UNC79: variants seen among roughly 807,000 people sequenced by gnomAD.
UNC79 encodes the protein protein unc-79 homolog.
In UNC79, 37 loss-of-function variants were observed where a neutral mutation model predicts 283.1. That is an observed-to-expected ratio of 0.13 (90% CI 0.10 to 0.17). The LOEUF (loss-of-function observed/expected upper bound fraction) is 0.17, where lower values mean the gene tolerates loss of function less well. UNC79 is among the 10% of genes least tolerant of loss of function. UNC79 has a pLI of 1.00. For synonymous variants in UNC79, 1,107 were observed against 1,200.2 expected (o/e 0.92, Z 1.61); for missense variants, 2,272 against 3,211.1 (o/e 0.71, Z 7.07).
In UNC79 at chr14:93,483,320, A is replaced by C. The variant is rs557753624; in HGVS notation, c.620-4343A>C. Among the ~76,000 whole-genome samples, 11 of 152,294 alleles carry C rather than the reference A, an allele frequency of 7.2e-5. No individual in the cohort carries two copies. The South Asian group carries it at 1.0e-3, about 14-fold the overall frequency. On this transcript the variant is annotated intron_variant, in intron 4 of 48. Coordinates refer to ENST00000555664, the Ensembl canonical transcript of UNC79. ...GGAATGTTCCATAAAAACATTAAAA[A>C]TTTTGTGCTGTCCAGTAGAGTAGCC... is the stretch of plus-strand genomic sequence containing the variant.
intron 1 of UNC79, among the ~76,000 whole-genome samples, chr14:93,453,105 C>T (rs960449462): frequency 9.2e-5 from 14 of 152,172 alleles, no homozygotes; most frequent in Non-Finnish European, 1.8e-4. Flanking sequence ...GAAAGTGGAT[C>T]CCAAATAATT....
At chr14:93,398,785 A>G (rs985200562) in intron 1 of UNC79, among the ~76,000 whole-genome samples, 1 of 152,166 alleles carries the variant, frequency 6.6e-6, no homozygotes. Flanking sequence ...GTAGGAGGAA[A>G]AACTGCTCTT....
intron 39 of UNC79, among the ~76,000 whole-genome samples, chr14:93,660,364 A>G (rs1056386886): frequency 6.6e-6 from 1 of 151,686 alleles, no homozygotes; most frequent in African/African-American, 2.4e-5. Flanking sequence ...TTTTGGGTCC[A>G]TATCGCCCCA....
intron 31 of UNC79, among the ~76,000 whole-genome samples, chr14:93,635,949 C>A (rs79686964): frequency 0.011 from 1,732 of 152,318 alleles, 38 homozygotes; most frequent in African/African-American, 0.039. Flanking sequence ...CTGAGAATGG[C>A]AGCTTTTGTT....
chr14:93,431,731 A>C (rs1435656144), intron 1 of UNC79, among the ~76,000 whole-genome samples: 1 of 152,234 alleles, frequency 6.6e-6, no homozygotes, highest in African/African-American at 2.4e-5. Context: ...GGCAGCCCAT[A>C]GCACCGGAGG....
intron 30 of UNC79, among the ~76,000 whole-genome samples, chr14:93,625,827 T>G (rs2067530711): frequency 6.6e-6 from 1 of 152,226 alleles, no homozygotes; most frequent in South Asian, 2.1e-4. Context: ...CCTCTACCAG[T>G]ACCTGCACCT....
chr14:93,537,844 G>A, intron 11 of UNC79, 145 bp from the exon 12 acceptor site: 1 of 710,744 alleles, frequency 1.4e-6, no homozygotes, highest in Admixed American at 3.1e-5. Context: ...TCTAGGTAGT[G>A]GGAGAATAAC....
chr14:93,447,017 A>C (rs1010210175), intron 1 of UNC79, among the ~76,000 whole-genome samples: 42 of 152,056 alleles, frequency 2.8e-4, no homozygotes, highest in Admixed American at 2.8e-3. Context: ...TTTCCCTTTA[A>C]ATCTGTCATT....
At chr14:93,447,524 AAG>A (rs1167043015) in intron 1 of UNC79, among the ~76,000 whole-genome samples, 7 of 152,116 alleles carry the variant, frequency 4.6e-5, no homozygotes, top group South Asian at 4.1e-4. Context: ...TAACAGAAAA[AAG>A]AAAGTATAGT....
chr14:93,430,876 G>T lies in UNC79; in HGVS notation c.-154G>T. 1.9e-6 allele frequency: 1 copy of T among 525,086 alleles called. No individual in the cohort carries two copies. The highest frequency in any genetic ancestry group is 3.0e-5 in the Admixed American group (1 of 33,266). 32.5% of individuals were successfully genotyped at this position (525,086 alleles called of 1,614,324 possible). On this transcript the variant is annotated 5_prime_UTR_variant, in exon 1 of 49. Coordinates refer to ENST00000555664, the Ensembl canonical transcript of UNC79. This position sits in a 1 kb window ranked among gnomAD's most constrained non-coding sequence, Gnocchi z 4.6. Reference sequence around the variant, plus strand: ...AATTCTGCAATTTGATGTGCGTTTTGTCCGAATGGTAGCGACACGGGCCTA... The same window carrying T: ...AATTCTGCAATTTGATGTGCGTTTTTTCCGAATGGTAGCGACACGGGCCTA...
intron 38 of UNC79, among the ~76,000 whole-genome samples, chr14:93,658,123 G>A (rs569121691): frequency 9.2e-5 from 14 of 152,326 alleles, no homozygotes; most frequent in African/African-American, 3.4e-4. Flanking sequence ...TTCAAAATCT[G>A]TGTAAGAATT....
At position 93,706,638 on chromosome 14, in the gene UNC79, G is replaced by T. The variant is rs555719440; in HGVS notation, c.7591-66G>T. The T allele has an allele frequency of 1.5e-5, 23 of 1,586,042 alleles. No individual in the cohort carries two copies. The African/African-American group carries it at 2.4e-4, about 17-fold the overall frequency. On this transcript the variant is annotated intron_variant, in intron 48 of 48. Coordinates refer to ENST00000555664, the Ensembl canonical transcript of UNC79. ...AAATTCTGCCTGCAAGAAGCCGCCC[G>T]GGTCGACACTCCCTGGGTTGCCCGT...
intron 1 of UNC79, among the ~76,000 whole-genome samples, chr14:93,354,524 G>T (rs999716879): frequency 6.6e-6 from 1 of 152,118 alleles, no homozygotes; most frequent in Non-Finnish European, 1.5e-5. Context: ...TTGAGACAGG[G>T]TCTTACTCTG....
intron 1 of UNC79, among the ~76,000 whole-genome samples, chr14:93,379,037 A>G (rs1042225995): frequency 3.3e-5 from 5 of 152,158 alleles, no homozygotes; most frequent in Admixed American, 6.6e-5. Flanking sequence ...CAGGAGGAGC[A>G]AAAGAGTATA....
chr14:93,474,326 C>T lies in UNC79; in HGVS notation c.381C>T (p.Tyr127=), dbSNP rs937004692. ...TGTCAGACTACCCTTCTTTGGACTA[C>T]CAAGGCCTCTACGTGACTTTGGTGA... The change falls in exon 3 of 49, where the codon TAC becomes TAT. Residue 127 remains tyrosine, a synonymous_variant. Transcript: ENST00000555664. The surrounding 1 kb of genome is among the most constrained non-coding windows in gnomAD (Gnocchi z 4.1). 3.9e-6 allele frequency: 6 copies of T among 1,535,940 alleles called. No homozygotes were observed. The highest frequency in any genetic ancestry group is 5.2e-6 in the Non-Finnish European group (6 of 1,146,874).
chr14:93,486,839 T>C (rs1368721929), intron 4 of UNC79, among the ~76,000 whole-genome samples: 1 of 152,152 alleles, frequency 6.6e-6, no homozygotes, highest in East Asian at 1.9e-4. Context: ...CACTTAAAGA[T>C]GTCTTAAAAG....
chr14:93,509,079 G>T (rs1032856007), intron 7 of UNC79, among the ~76,000 whole-genome samples: 1 of 152,188 alleles, frequency 6.6e-6, no homozygotes, highest in African/African-American at 2.4e-5. Context: ...GGCAGAAGGT[G>T]CAGGGGAAGA....
chr14:93,475,625 T>G lies in UNC79; in HGVS notation c.448+1232T>G, dbSNP rs559498397. Among the ~76,000 whole-genome samples, 3 of 152,282 alleles carry G rather than the reference T, an allele frequency of 2.0e-5. No homozygotes were observed. The East Asian group carries it at 5.8e-4, about 29-fold the overall frequency. On this transcript the variant is annotated intron_variant, in intron 3 of 48. Coordinates refer to ENST00000555664, the Ensembl canonical transcript of UNC79. ...AACTTAAATGAGAGGATTCTTAACATAAGACTGCCAGAGCTTACTATGCTG... is the reference window on the plus strand; with the variant it reads ...AACTTAAATGAGAGGATTCTTAACAGAAGACTGCCAGAGCTTACTATGCTG...
chr14:93,688,613 G>C lies in UNC79; in HGVS notation c.6910-52G>C. 16 of 1,577,128 alleles carry C rather than the reference G, an allele frequency of 1.0e-5. No homozygotes were observed. In the South Asian group the frequency reaches 1.9e-4, roughly 19 times the overall value. On this transcript the variant is annotated intron_variant, in intron 43 of 48. Transcript: ENST00000555664. The surrounding 1 kb of genome is among the most constrained non-coding windows in gnomAD (Gnocchi z 4.0). ...ACCTCTTCTTTTCAAAGAATGGCCT[G>C]GAATGAATCCAGGTGTCTGCCAGAG...
Sources: gnomAD v4.1 joint callset for allele counts (sites outside exome capture counted in the v4.1 genomes callset) on GRCh38, gnomAD v4.1.1 for gene constraint, Gnocchi (gnomAD v3.1) non-coding constraint, MANE v1.5 for transcripts, NCBI Gene and HGNC (gene_info 2026-07-23, HGNC 2026-07-21) for gene names.